FAM200B: variants seen among roughly 807,000 people sequenced by gnomAD.
FAM200B encodes zinc finger BED-type containing 11.
In FAM200B, 32 loss-of-function variants were observed where a neutral mutation model predicts 33.1. The ratio of observed to expected loss-of-function variants is 0.97; its 90% confidence interval spans 0.73 to 1.30. FAM200B has a LOEUF of 1.30. Among genes scored for constraint, FAM200B ranks in the 50% most tolerant of loss-of-function variants. FAM200B has a pLI of 0.00. For missense variants in FAM200B, 741 were observed against 754.0 expected (o/e 0.98, Z 0.20); for synonymous variants, 240 against 264.8 (o/e 0.91, Z 0.91).
chr4:15,656,267 C>T, the FAM200B span: 1 of 456,206 alleles, frequency 2.2e-6, no homozygotes, highest in South Asian at 1.5e-5. Flanking sequence ...AATCGCCTGG[C>T]CCTGGCCACA....
At chr4:15,645,780 T>G in the FAM200B span, among the ~76,000 whole-genome samples, 2 of 152,238 alleles carry the variant, frequency 1.3e-5, no homozygotes, top group Admixed American at 6.5e-5. Flanking sequence ...TAATAAAACA[T>G]CTGTATTTCA....
the FAM200B span, among the ~76,000 whole-genome samples, chr4:15,659,364 T>C: frequency 6.6e-6 from 1 of 152,166 alleles, no homozygotes; most frequent in Non-Finnish European, 1.5e-5. Flanking sequence ...ATATTTAAAG[T>C]CCTAATTTCA....
Position 15,688,386 on chromosome 4 carries a change from G to A in FAM200B, c.1409G>A (p.Trp470Ter). 1 of 1,549,404 alleles carries A rather than the reference G, an allele frequency of 6.5e-7. No homozygotes were observed. Among genetic ancestry groups the A allele is most frequent in the Non-Finnish European group, 8.7e-7 (1 of 1,145,120 alleles). ...GGATTTCGAAAGACATTATTGTTATGGCAAGTAAGACTTAAAAGTAATCGT... is the reference window on the plus strand; with the variant it reads ...GGATTTCGAAAGACATTATTGTTATAGCAAGTAAGACTTAAAAGTAATCGT... ...IQGFRKTLLL[W>*]QVRLKSNRPS... Residue 470 changes from tryptophan to a stop codon, truncating the protein, a stop_gained, in exon 2 of 2, where the codon TGG (tryptophan) becomes TAG (stop). Transcript: ENST00000422728. LOFTEE classifies it high-confidence loss of function.
At chr4:15,662,063 AT>A in the FAM200B span, among the ~76,000 whole-genome samples, 341 of 152,228 alleles carry the variant, frequency 2.2e-3, 3 homozygotes, top group Middle Eastern at 3.4e-3. Flanking sequence ...TCAGTCTTTT[AT>A]AACATAATCT....
the FAM200B span, chr4:15,655,196 T>TC: frequency 1.1e-5 from 15 of 1,410,240 alleles, no homozygotes; most frequent in Non-Finnish European, 1.2e-5. Context: ...GGCTCAGCGC[T>TC]CCGTTACCTT....
At chr4:15,654,213 G>T in the FAM200B span, among the ~76,000 whole-genome samples, 3 of 152,304 alleles carry the variant, frequency 2.0e-5, no homozygotes, top group South Asian at 2.1e-4. Context: ...CCTAAAAGTT[G>T]ATTTCTATGC....
At chr4:15,649,164 C>G in the FAM200B span, among the ~76,000 whole-genome samples, 1 of 137,000 alleles carries the variant, frequency 7.3e-6, no homozygotes, top group Admixed American at 7.2e-5. Flanking sequence ...AAAACAAAGC[C>G]AAAAAAAAAA....
At chr4:15,684,459 T>C (rs1284307643) in intron 1 of FAM200B, among the ~76,000 whole-genome samples, 1 of 152,238 alleles carries the variant, frequency 6.6e-6, no homozygotes, top group Non-Finnish European at 1.5e-5. Context: ...GCACTGTTTT[T>C]CTTGAGCTAT....
chr4:15,675,016 C>T, the FAM200B span, among the ~76,000 whole-genome samples: 2 of 152,046 alleles, frequency 1.3e-5, no homozygotes, highest in Admixed American at 1.3e-4. Flanking sequence ...AAATTCCCAT[C>T]AGTTCACTAG....
chr4:15,638,400 G>A, the FAM200B span: 1 of 682,306 alleles, frequency 1.5e-6, no homozygotes, highest in Admixed American at 3.5e-5. Flanking sequence ...ACTGACCACA[G>A]TGCAGGCCTA....
chr4:15,660,537 C>T, the FAM200B span, among the ~76,000 whole-genome samples: 4 of 152,118 alleles, frequency 2.6e-5, no homozygotes, highest in African/African-American at 4.8e-5. Context: ...GGCTAATACA[C>T]GAAACATTGA....
At chr4:15,663,795 G>A in the FAM200B span, among the ~76,000 whole-genome samples, 1 of 152,160 alleles carries the variant, frequency 6.6e-6, no homozygotes, top group Non-Finnish European at 1.5e-5. Flanking sequence ...AAGTCCAAAA[G>A]TGAACTCACC....
At chr4:15,661,835 G>C in the FAM200B span, among the ~76,000 whole-genome samples, 1 of 152,172 alleles carries the variant, frequency 6.6e-6, no homozygotes, top group Non-Finnish European at 1.5e-5. Flanking sequence ...CTAAAGCTGC[G>C]ATCATCCGAT....
chr4:15,638,954 C>T, the FAM200B span, among the ~76,000 whole-genome samples: 43,756 of 151,896 alleles, frequency 0.29, 6,615 homozygotes, highest in East Asian at 0.48. Flanking sequence ...CACCTGAGGT[C>T]GGGAGTTCGA....
At chr4:15,655,343 C>T in the FAM200B span, 5 of 1,289,418 alleles carry the variant, frequency 3.9e-6, no homozygotes, top group Non-Finnish European at 5.1e-6. Flanking sequence ...TCCATAGACA[C>T]CCTCGCCGCG....
chr4:15,639,620 C>T, the FAM200B span, among the ~76,000 whole-genome samples: 34 of 152,160 alleles, frequency 2.2e-4, no homozygotes, highest in East Asian at 6.4e-3. Flanking sequence ...TTTTCACTTC[C>T]ACAGATAATT....
At chr4:15,666,393 C>T in the FAM200B span, among the ~76,000 whole-genome samples, 2 of 152,014 alleles carry the variant, frequency 1.3e-5, no homozygotes, top group African/African-American at 2.4e-5. Flanking sequence ...GAGCAAGACC[C>T]TGCCTAAAAA....
At chr4:15,650,326 T>A in the FAM200B span, among the ~76,000 whole-genome samples, 1 of 152,216 alleles carries the variant, frequency 6.6e-6, no homozygotes, top group African/African-American at 2.4e-5. Context: ...GCAATCCAGA[T>A]TCACACGCAT....
At chr4:15,665,916 A>T in the FAM200B span, among the ~76,000 whole-genome samples, 5 of 152,098 alleles carry the variant, frequency 3.3e-5, no homozygotes, top group African/African-American at 9.7e-5. Flanking sequence ...ACTGTCCAAG[A>T]CCATAAGCCA....
Sources: gnomAD v4.1 joint callset for allele counts (sites outside exome capture counted in the v4.1 genomes callset) on GRCh38, gnomAD v4.1.1 for gene constraint, MANE v1.5 for transcripts, NCBI Gene and HGNC (gene_info 2026-07-23, HGNC 2026-07-21) for gene names.